AASS: variants seen among roughly 807,000 people sequenced by gnomAD.
AASS encodes alpha-aminoadipic semialdehyde synthase, mitochondrial.
Under a neutral mutation model 105.4 loss-of-function variants are expected in AASS, and 86 were observed. The observed-to-expected ratio is 0.82, with a 90% CI of 0.69 to 0.98. The LOEUF (loss-of-function observed/expected upper bound fraction) is 0.98, where lower values mean the gene tolerates loss of function less well. Ranked by LOEUF, AASS falls within the 50% of genes least tolerant of loss-of-function variation. AASS has a pLI of 0.00. For missense variants in AASS, 1,048 were observed against 1,143.2 expected, an observed-to-expected ratio of 0.92 and a Z score of 1.20; for synonymous variants, 381 against 394.8, an observed-to-expected ratio of 0.96 and a Z score of 0.41.
chr7:122,136,773 G>A (rs2150556337), intron 1 of AASS, among the ~76,000 whole-genome samples: 1 of 152,258 alleles, frequency 6.6e-6, no homozygotes, highest in Non-Finnish European at 1.5e-5. Flanking sequence ...ACTCCATCAG[G>A]AGGAACATGT....
At chr7:122,143,388 C>T (rs1796490563) in intron 1 of AASS, among the ~76,000 whole-genome samples, 1 of 150,112 alleles carries the variant, frequency 6.7e-6, no homozygotes, top group Admixed American at 6.7e-5. Flanking sequence ...GTCTGAAAAG[C>T]ACATTTCTTC....
Position 122,076,403 on chromosome 7 carries a change from A to T in AASS, c.*86T>A. ...CAAAACATATTATGCTTTATACTTT[A>T]AAACAGCACATTAGCAAACCCATTT... On this transcript the variant is annotated 3_prime_UTR_variant, in exon 24 of 24. Coordinates refer to ENST00000417368, the MANE Select transcript of AASS (RefSeq NM_005763.4). 1.1e-6 allele frequency: 1 copy of T among 888,558 alleles called. No homozygotes were observed. The highest frequency in any genetic ancestry group is 1.3e-5 in the South Asian group (1 of 76,126). The allele number at this position is 888,558 out of a possible 1,614,324, so 55.0% of individuals were successfully genotyped here.
At chr7:122,081,461 T>C (rs1348637268) in intron 20 of AASS, 39 bp downstream of exon 20, 1 of 1,483,366 alleles carries the variant, frequency 6.7e-7, no homozygotes. Context: ...AAGGTATTTC[T>C]GAAAAGGAGC....
chr7:122,086,266 C>T (rs1793618989), intron 18 of AASS, 87 bp from the exon 19 acceptor site: 2 of 1,264,026 alleles, frequency 1.6e-6, no homozygotes, highest in South Asian at 1.4e-5. Flanking sequence ...AAGAAAGCAA[C>T]AGAAATTTGA....
In AASS at chr7:122,133,514, C is replaced by T; in HGVS notation, c.210+3G>A. The T allele has an allele frequency of 1.9e-6, 3 of 1,614,030 alleles. No individual in the cohort carries two copies. Among genetic ancestry groups the T allele is most frequent in the Non-Finnish European group, 2.5e-6 (3 of 1,179,942 alleles). On this transcript the variant is annotated splice_donor_region_variant and intron_variant, in intron 2 of 23. Coordinates refer to ENST00000417368, the MANE Select transcript of AASS (RefSeq NM_005763.4). ...CTCACATAAAAATATTGGAAATACTCACCTTATCATGAATGGCCCGCCGAT... is the reference window on the plus strand; with the variant it reads ...CTCACATAAAAATATTGGAAATACTTACCTTATCATGAATGGCCCGCCGAT...
intron 18 of AASS, among the ~76,000 whole-genome samples, chr7:122,088,332 T>C (rs971484557): frequency 1.3e-5 from 2 of 152,036 alleles, no homozygotes; most frequent in African/African-American, 4.8e-5. Flanking sequence ...TAAGGAAATA[T>C]ACAATCATTT....
At chr7:122,129,715 T>C (rs979469430) in intron 2 of AASS, among the ~76,000 whole-genome samples, 178 bp from the exon 3 acceptor site, 3 of 152,186 alleles carry the variant, frequency 2.0e-5, no homozygotes, top group Admixed American at 6.5e-5. Flanking sequence ...AAGATAAATC[T>C]ATCATGTCAA....
At chr7:122,098,001 C>G (rs905623817) in intron 15 of AASS, among the ~76,000 whole-genome samples, 8 of 151,866 alleles carry the variant, frequency 5.3e-5, no homozygotes, top group Non-Finnish European at 1.0e-4. Context: ...TACTATACAG[C>G]AATGAGAATG....
At chr7:122,140,865 C>A (rs1371341044) in intron 1 of AASS, among the ~76,000 whole-genome samples, 1 of 150,516 alleles carries the variant, frequency 6.6e-6, no homozygotes, top group Non-Finnish European at 1.5e-5. Flanking sequence ...TATATTCACC[C>A]TTCCAAGTAA....
At chr7:122,117,681 A>T (rs1795247351) in intron 6 of AASS, among the ~76,000 whole-genome samples, 2 of 151,818 alleles carry the variant, frequency 1.3e-5, no homozygotes, top group Admixed American at 1.3e-4. Flanking sequence ...TTTGAGACAG[A>T]GTCTCGCTCT....
At chr7:122,127,014 C>G (rs1045701482) in intron 3 of AASS, among the ~76,000 whole-genome samples, 1 of 152,152 alleles carries the variant, frequency 6.6e-6, no homozygotes, top group African/African-American at 2.4e-5. Context: ...AAATAACACT[C>G]TCTCTCAAGT....
intron 23 of AASS, 57 bp downstream of exon 23, chr7:122,077,781 C>G (rs1003600021): frequency 6.3e-7 from 1 of 1,598,070 alleles, no homozygotes; most frequent in Non-Finnish European, 8.6e-7. Context: ...TGTCCAGGCA[C>G]CAAATGGCTT....
chr7:122,128,860 C>T (rs1052088169), intron 3 of AASS, among the ~76,000 whole-genome samples: 15 of 152,082 alleles, frequency 9.9e-5, no homozygotes, highest in African/African-American at 3.1e-4. Context: ...GGGCGGATCA[C>T]GAGGTCAGGA....
chr7:122,115,005 G>T (rs1372255472), intron 9 of AASS, 69 bp downstream of exon 9: 1 of 1,602,538 alleles, frequency 6.2e-7, no homozygotes, highest in Non-Finnish European at 8.5e-7. Context: ...TCTGATATGT[G>T]ATATTTGATC....
intron 1 of AASS, among the ~76,000 whole-genome samples, chr7:122,140,485 C>CAAAAAAAAAAAAAAAAAAAAAAAAAA (rs57828681): frequency 4.3e-4 from 16 of 37,334 alleles, no homozygotes; most frequent in South Asian, 1.7e-3. Context: ...GACTCAGTCT[C>CAAAAAAAAAAAAAAAAAAAAAAAAAA]AAAAAAAAAA....
intron 11 of AASS, among the ~76,000 whole-genome samples, chr7:122,107,189 A>G (rs925372960): frequency 2.0e-5 from 3 of 152,184 alleles, no homozygotes; most frequent in Non-Finnish European, 4.4e-5. Flanking sequence ...ACAATGAGAT[A>G]CCGTCTCACA....
intron 9 of AASS, among the ~76,000 whole-genome samples, chr7:122,114,714 G>A (rs1188625612): frequency 6.6e-6 from 1 of 152,078 alleles, no homozygotes; most frequent in African/African-American, 2.4e-5. Context: ...GAGCTGCATG[G>A]GGCATCACAG....
intron 13 of AASS, 139 bp downstream of exon 13, chr7:122,101,232 C>T: frequency 5.4e-6 from 4 of 738,508 alleles, no homozygotes; most frequent in South Asian, 1.7e-5. Context: ...GTTTGGATTT[C>T]CTACATTTTC....
chr7:122,129,419 G>C lies in AASS; in HGVS notation c.329C>G (p.Ser110Cys). 1 of 1,613,174 alleles carries C rather than the reference G, an allele frequency of 6.2e-7. No homozygotes were observed. The highest frequency in any genetic ancestry group is 1.1e-5 in the South Asian group (1 of 90,986). The change falls in exon 3 of 24, where the codon TCC becomes TGC. Residue 110 changes from serine to cysteine, a missense_variant. Coordinates refer to ENST00000417368, the MANE Select transcript of AASS (RefSeq NM_005763.4). ...LMSRKTYAFF[S>C]HTIKAQEANM... ...GGCCTCCTGAGCTTTTATTGTGTGG[G>C]AGAAAAATGCATAAGTCTTCCTGGA...
Sources: allele counts gnomAD v4.1 joint callset (sites outside exome capture counted in the v4.1 genomes callset), GRCh38; gene constraint gnomAD v4.1.1; transcripts MANE v1.5; gene names NCBI Gene and HGNC (gene_info 2026-07-23, HGNC 2026-07-21).